BICRA: variants seen among roughly 807,000 people sequenced by gnomAD.
The protein encoded by BICRA is BRD4-interacting chromatin-remodeling complex-associated protein.
In BICRA, 31 loss-of-function variants were observed where a neutral mutation model predicts 96.9. The observed-to-expected ratio is 0.32, with a 90% CI of 0.24 to 0.43. The LOEUF (loss-of-function observed/expected upper bound fraction) is 0.43. Among genes scored for constraint, BICRA ranks in the 20% least tolerant of loss-of-function variants. The pLI, the probability that BICRA is intolerant of heterozygous loss-of-function variation, is 1.00. For missense variants in BICRA, 2,283 were observed against 2,190.3 expected (o/e 1.04, Z -0.84); for synonymous variants, 1,350 against 1,071.8 (o/e 1.26, Z -5.07).
chr19:47,685,786 T>TGTGTGTGTGCGCGC, intron 7 of BICRA, among the ~76,000 whole-genome samples: 49 of 117,960 alleles, frequency 4.2e-4, no homozygotes, highest in African/African-American at 1.2e-3. Context: ...TGTGTGTGTG[T>TGTGTGTGTGCGCGC]GCGCGCGCGC....
intron 1 of BICRA, among the ~76,000 whole-genome samples, chr19:47,610,435 T>C (rs1459840393): frequency 6.6e-6 from 1 of 152,172 alleles, no homozygotes; most frequent in Non-Finnish European, 1.5e-5. Context: ...CGCGCCCCTT[T>C]GTTTTGCTTT....
chr19:47,682,576 T>TC (rs1599852935), intron 7 of BICRA, among the ~76,000 whole-genome samples: 1 of 152,194 alleles, frequency 6.6e-6, no homozygotes, highest in East Asian at 1.9e-4. Flanking sequence ...TAGATTCTTT[T>TC]CCTTCAATTT....
chr19:47,657,634 G>A (rs1972640187), intron 1 of BICRA, among the ~76,000 whole-genome samples: 1 of 151,934 alleles, frequency 6.6e-6, no homozygotes, highest in South Asian at 2.1e-4. Context: ...CTGACCTTGT[G>A]ATCCGCCCAC....
intron 11 of BICRA, among the ~76,000 whole-genome samples, chr19:47,697,275 C>A (rs181962828): frequency 6.6e-6 from 1 of 151,724 alleles, no homozygotes; most frequent in African/African-American, 2.4e-5. Context: ...TGAGCCACCA[C>A]GCCCAGCCCA....
In BICRA at chr19:47,679,430, C is replaced by A. The variant is rs1396020591; in HGVS notation, c.260C>A (p.Thr87Lys). The A allele has an allele frequency of 6.7e-7, 1 of 1,490,152 alleles. No individual in the cohort carries two copies. Among genetic ancestry groups the A allele is most frequent in the South Asian group, 1.3e-5 (1 of 74,860 alleles). 92.3% of individuals were successfully genotyped at this position (1,490,152 alleles called of 1,614,324 possible). Reference protein sequence around the residue: ...LEDDILGSPATGGGGGGSGGA... With the variant: ...LEDDILGSPAKGGGGGGSGGA... ...GATGACATCCTGGGCTCTCCTGCGA[C>A]AGGGGGCGGCGGCGGGGGCAGTGGG... Residue 87 changes from threonine (T) to lysine (K), a missense_variant, in exon 6 of 15, where the codon ACA becomes AAA. Thr to Lys is a moderately conservative substitution (Grantham distance 78, BLOSUM62 -1). Transcript: ENST00000594866.
chr19:47,643,084 C>T (rs1972407188), intron 1 of BICRA, among the ~76,000 whole-genome samples: 1 of 152,246 alleles, frequency 6.6e-6, no homozygotes, highest in Admixed American at 6.5e-5. Context: ...ATTCTCCTGC[C>T]TCAGCCTTCT....
Position 47,699,417 on chromosome 19 carries a change from G to T in BICRA, c.3595+12G>T, listed in dbSNP as rs370021577. 1 of 1,455,818 alleles carries T rather than the reference G, an allele frequency of 6.9e-7. No homozygotes were observed. The highest frequency in any genetic ancestry group is 9.4e-7 in the Non-Finnish European group (1 of 1,058,876). 90.2% of individuals were successfully genotyped at this position (1,455,818 alleles called of 1,614,324 possible). ...CAAGGAGAAGCCGGGTGAGAGGGGGGAGTGAGAGGGGAGGGGAGGGAGAGG... is the reference window on the plus strand; with the variant it reads ...CAAGGAGAAGCCGGGTGAGAGGGGGTAGTGAGAGGGGAGGGGAGGGAGAGG... On this transcript the variant is annotated intron_variant, in intron 14 of 14. Transcript: ENST00000594866. This position sits in a 1 kb window ranked among gnomAD's most constrained non-coding sequence, Gnocchi z 5.0.
chr19:47,699,418 A>T lies in BICRA; in HGVS notation c.3595+13A>T, dbSNP rs1444142076. On this transcript the variant is annotated intron_variant, in intron 14 of 14. Transcript: ENST00000594866. This position sits in a 1 kb window ranked among gnomAD's most constrained non-coding sequence, Gnocchi z 5.0. ...AAGGAGAAGCCGGGTGAGAGGGGGG[A>T]GTGAGAGGGGAGGGGAGGGAGAGGT... is the stretch of plus-strand genomic sequence containing the variant. The T allele has an allele frequency of 1.5e-6, 2 of 1,359,712 alleles. No homozygotes were observed. The highest frequency in any genetic ancestry group is 2.1e-6 in the Non-Finnish European group (2 of 971,856). 84.2% of individuals were successfully genotyped at this position (1,359,712 alleles called of 1,614,324 possible).
chr19:47,681,294 A>G lies in BICRA; in HGVS notation c.2106+18A>G. The G allele has an allele frequency of 6.5e-7, 1 of 1,540,660 alleles. No homozygotes were observed. Among genetic ancestry groups the G allele is most frequent in the South Asian group, 1.2e-5 (1 of 84,502 alleles). Reference sequence around the variant, plus strand: ...TGCCCCAGGTAAGCAGGGCGGGGCAAGGGAGCAGGTACCGGAGGAGGCGGG... The same window carrying G: ...TGCCCCAGGTAAGCAGGGCGGGGCAGGGGAGCAGGTACCGGAGGAGGCGGG... On this transcript the variant is annotated intron_variant, in intron 6 of 14. Coordinates refer to ENST00000594866, the MANE Select transcript of BICRA (RefSeq NM_001394372.1).
In BICRA at chr19:47,694,679, T is replaced by C; in HGVS notation, c.2848T>C (p.Phe950Leu). 2 of 1,491,630 alleles carry C rather than the reference T, an allele frequency of 1.3e-6. No homozygotes were observed. The highest frequency in any genetic ancestry group is 1.8e-6 in the Non-Finnish European group (2 of 1,109,386). 92.4% of individuals were successfully genotyped at this position (1,491,630 alleles called of 1,614,324 possible). ...GACCTTCCAGATGGTGACCACCCCCTTCCCAGCGCTGCCCCAGCCGAAGGC... is the reference window on the plus strand; with the variant it reads ...GACCTTCCAGATGGTGACCACCCCCCTCCCAGCGCTGCCCCAGCCGAAGGC... The part of the protein sequence containing the change: ...PRTFQMVTTP[F>L]PALPQPKALL... The change falls in exon 8 of 15, where the codon TTC becomes CTC. Residue 950 changes from phenylalanine to leucine, a missense_variant. Transcript: ENST00000594866.
intron 1 of BICRA, among the ~76,000 whole-genome samples, chr19:47,653,036 T>C (rs1053965965): frequency 6.7e-6 from 1 of 150,194 alleles, no homozygotes; most frequent in Non-Finnish European, 1.5e-5. Flanking sequence ...TTTTTTTTTT[T>C]TTCCGAGACA....
At position 47,680,340 on chromosome 19, in the gene BICRA, G is replaced by GCCCAAGGCCCCGCAGAAC; in HGVS notation, c.1172_1189dup (p.Pro391_Asn396dup). The GCCCAAGGCCCCGCAGAAC allele has an allele frequency of 1.3e-6, 2 of 1,534,414 alleles. No homozygotes were observed. Among genetic ancestry groups the GCCCAAGGCCCCGCAGAAC allele is most frequent in the African/African-American group, 2.7e-5 (2 of 72,944 alleles). On this transcript the variant is annotated inframe_insertion, in exon 6 of 15. Coordinates refer to ENST00000594866, the MANE Select transcript of BICRA (RefSeq NM_001394372.1). ...GCGAGCCGGGGGCGCTCCCGCAGCA[G>GCCCAAGGCCCCGCAGAAC]CCCAAGGCCCCGCAGAACCTGACGT... is the stretch of plus-strand genomic sequence containing the variant.
chr19:47,683,578 A>T (rs897121947), intron 7 of BICRA, among the ~76,000 whole-genome samples: 2 of 142,934 alleles, frequency 1.4e-5, no homozygotes, highest in Admixed American at 7.5e-5. Flanking sequence ...CAGGTTAGGG[A>T]GGGCTACGTT....
intron 7 of BICRA, among the ~76,000 whole-genome samples, chr19:47,693,577 C>T (rs1455211671): frequency 2.6e-5 from 4 of 152,244 alleles, no homozygotes; most frequent in African/African-American, 9.6e-5. Context: ...TGGCCATCAA[C>T]CCCGAGCCAT....
rs1219463259 is a variant in BICRA, at chr19:47,609,157, T to C, written c.-119T>C. The C allele has an allele frequency of 6.7e-6, 1 of 149,516 alleles. No individual in the cohort carries two copies. The highest frequency in any genetic ancestry group is 2.0e-4 in the East Asian group (1 of 5,008). The allele number at this position is 149,516 out of a possible 1,614,324, so 9.3% of individuals were successfully genotyped here. On this transcript the variant is annotated 5_prime_UTR_variant, in exon 1 of 15. Coordinates refer to ENST00000594866, the MANE Select transcript of BICRA (RefSeq NM_001394372.1). ...TCGGAGACCCCGCGCCGACGGCTGC[T>C]CAAACATCAGGGTGAGTTTCTCACA...
At chr19:47,637,243 C>A (rs183654106) in intron 1 of BICRA, among the ~76,000 whole-genome samples, 150 of 151,164 alleles carry the variant, frequency 9.9e-4, no homozygotes, top group Non-Finnish European at 1.5e-4. Context: ...CCTCAGCCTC[C>A]CAAGCAGCTG....
intron 1 of BICRA, among the ~76,000 whole-genome samples, chr19:47,610,787 G>A (rs1052618869): frequency 1.3e-5 from 2 of 152,050 alleles, no homozygotes; most frequent in African/African-American, 4.8e-5. Flanking sequence ...CAGCACCTGG[G>A]GTGGGTGTGG....
chr19:47,666,973 A>G (rs919446978), intron 1 of BICRA, among the ~76,000 whole-genome samples: 3 of 151,710 alleles, frequency 2.0e-5, no homozygotes, highest in African/African-American at 7.3e-5. Flanking sequence ...CTTGGTCACA[A>G]CACGGACTGT....
intron 7 of BICRA, among the ~76,000 whole-genome samples, chr19:47,682,593 A>T (rs1973082569): frequency 6.6e-6 from 1 of 152,134 alleles, no homozygotes; most frequent in Non-Finnish European, 1.5e-5. Context: ...ATTTTTACAA[A>T]AAGGGTAGCA....
Sources: gnomAD v4.1 joint callset for allele counts (sites outside exome capture counted in the v4.1 genomes callset) on GRCh38, gnomAD v4.1.1 for gene constraint, Gnocchi (gnomAD v3.1) non-coding constraint, MANE v1.5 for transcripts, NCBI Gene and HGNC (gene_info 2026-07-23, HGNC 2026-07-21) for gene names.